Variants in PCDHB5 observed in about 807,000 individuals in gnomAD.
PCDHB5 encodes the protein protocadherin beta 5.
For missense variants in PCDHB5, 1,125 were observed against 1,029.4 expected, an observed-to-expected ratio of 1.09 and a Z score of -1.27; for synonymous variants, 569 against 462.2, an observed-to-expected ratio of 1.23 and a Z score of -2.96.
chr5:141,137,046 C>A lies in PCDHB5; in HGVS notation c.1612C>A (p.Pro538Thr). ...CGTGGGAGCCACAGACCGCGGCTCC[C>A]CGGCGCTGAGCAGCGAGGCGCTGGT... ...FRVGATDRGS[P>T]ALSSEALVRV... Residue 538 changes from proline (P) to threonine (T), a missense_variant, in exon 1 of 1, where the codon CCG becomes ACG. Coordinates refer to ENST00000231134, the MANE Select transcript of PCDHB5 (RefSeq NM_015669.5). 1 of 1,611,876 alleles carries A rather than the reference C, an allele frequency of 6.2e-7. No homozygotes were observed. The highest frequency in any genetic ancestry group is 8.5e-7 in the Non-Finnish European group (1 of 1,179,742).
chr5:141,136,741 T>C lies in PCDHB5; in HGVS notation c.1307T>C (p.Ile436Thr), dbSNP rs1752587798. 1 of 1,613,972 alleles carries C rather than the reference T, an allele frequency of 6.2e-7. No homozygotes were observed. Among genetic ancestry groups the C allele is most frequent in the South Asian group, 1.1e-5 (1 of 91,056 alleles). Residue 436 changes from isoleucine (I) to threonine (T), a missense_variant, in exon 1 of 1, where the codon ATA becomes ACA. Transcript: ENST00000231134. Reference sequence around the variant, plus strand: ...CCCAGGCTGAAAACCGAGCACAACATAACGGTCCTGGTCTCCGACGTCAAT... The same window carrying C: ...CCCAGGCTGAAAACCGAGCACAACACAACGGTCCTGGTCTCCGACGTCAAT... ...GTPRLKTEHN[I>T]TVLVSDVNDN...
Position 141,137,480 on chromosome 5 carries a change from C to T in PCDHB5, c.2046C>T (p.Ala682=). 6.2e-7 allele frequency: 1 copy of T among 1,612,724 alleles called. No homozygotes were observed. The highest frequency in any genetic ancestry group is 8.5e-7 in the Non-Finnish European group (1 of 1,179,726). ...AGGCGGCCCCGGCCCAGGCCCAGGCCGACTCGCTCACTGTCTACCTGGTGG... is the reference window on the plus strand; with the variant it reads ...AGGCGGCCCCGGCCCAGGCCCAGGCTGACTCGCTCACTGTCTACCTGGTGG... ...LPEAAPAQAQ[A]DSLTVYLVVA... is the part of the protein sequence containing the mutation. Residue 682 remains alanine, a synonymous_variant, in exon 1 of 1, where the codon GCC becomes GCT. Transcript: ENST00000231134.
chr5:141,136,778 C>G lies in PCDHB5; in HGVS notation c.1344C>G (p.Pro448=). The G allele has an allele frequency of 6.2e-7, 1 of 1,614,032 alleles. No homozygotes were observed. Among genetic ancestry groups the G allele is most frequent in the Non-Finnish European group, 8.5e-7 (1 of 1,180,030 alleles). Residue 448 remains proline, a synonymous_variant, in exon 1 of 1, where the codon CCC becomes CCG. Coordinates refer to ENST00000231134, the MANE Select transcript of PCDHB5 (RefSeq NM_015669.5). The part of the protein sequence containing the change: ...VLVSDVNDNA[P]AFTQTSYTLF... ...TCTCCGACGTCAATGACAACGCCCC[C>G]GCCTTCACCCAAACCTCCTACACCC...
chr5:141,138,113 A>G lies in PCDHB5; in HGVS notation c.*291A>G, dbSNP rs1385825323. ...ATAAACCACCTTAATAAAATCAAGT[A>G]TTAATTTTATTTTCTATATATTCTG... On this transcript the variant is annotated 3_prime_UTR_variant, in exon 1 of 1. Transcript: ENST00000231134. 2 of 313,018 alleles carry G rather than the reference A, an allele frequency of 6.4e-6. No individual in the cohort carries two copies. Among genetic ancestry groups the G allele is most frequent in the Non-Finnish European group, 1.2e-5 (2 of 163,626 alleles). The allele number at this position is 313,018 out of a possible 1,614,324, so 19.4% of individuals were successfully genotyped here.
At position 141,136,914 on chromosome 5, in the gene PCDHB5, A is replaced by G. The variant is rs370535401; in HGVS notation, c.1480A>G (p.Asn494Asp). 225 of 1,612,480 alleles carry G rather than the reference A, an allele frequency of 1.4e-4. 1 individual carries two copies. In the African/African-American group the frequency reaches 2.5e-3, roughly 18 times the overall value. ...QVTYSLLPPQ[N>D]PHLRLASLVS... Reference sequence around the variant, plus strand: ...CACCTACTCGCTGCTGCCGCCCCAGAACCCACACCTGCGCCTCGCCTCCCT... The same window carrying G: ...CACCTACTCGCTGCTGCCGCCCCAGGACCCACACCTGCGCCTCGCCTCCCT... The change falls in exon 1 of 1, where the codon AAC (asparagine) becomes GAC (aspartate). Residue 494 changes from asparagine (N) to aspartate (D), a missense_variant. Coordinates refer to ENST00000231134, the MANE Select transcript of PCDHB5 (RefSeq NM_015669.5).
At position 141,135,917 on chromosome 5, in the gene PCDHB5, C is replaced by T. The variant is rs369038302; in HGVS notation, c.483C>T (p.Asp161=). Reference sequence around the variant, plus strand: ...CCTTAAAAATAGCCCAGGACTTTGACATAGGTAGCAACACTGTTCAGAACT... The same window carrying T: ...CCTTAAAAATAGCCCAGGACTTTGATATAGGTAGCAACACTGTTCAGAACT... ...VFPLKIAQDF[D]IGSNTVQNYT... The change falls in exon 1 of 1, where the codon GAC becomes GAT. Residue 161 remains aspartate (D), a synonymous_variant. Coordinates refer to ENST00000231134, the MANE Select transcript of PCDHB5 (RefSeq NM_015669.5). The T allele has an allele frequency of 6.2e-7, 1 of 1,614,102 alleles. No individual in the cohort carries two copies. Among genetic ancestry groups the T allele is most frequent in the Non-Finnish European group, 8.5e-7 (1 of 1,179,948 alleles).
rs1752625550 is a variant in PCDHB5, at chr5:141,137,588, G to T, written c.2154G>T (p.Ala718=). 3 of 1,612,830 alleles carry T rather than the reference G, an allele frequency of 1.9e-6. No homozygotes were observed. The highest frequency in any genetic ancestry group is 1.7e-6 in the Non-Finnish European group (2 of 1,179,960). Reference sequence around the variant, plus strand: ...TGCGGCTGTGCAGGAGGAGCAGGGCGGCCCCGGTCGGTCGCTGCTCGGTGC... The same window carrying T: ...TGCGGCTGTGCAGGAGGAGCAGGGCTGCCCCGGTCGGTCGCTGCTCGGTGC... ...VAVRLCRRSR[A]APVGRCSVPE... is the part of the protein sequence containing the mutation. Residue 718 remains alanine, a synonymous_variant, in exon 1 of 1, where the codon GCG becomes GCT. Transcript: ENST00000231134.
Position 141,137,366 on chromosome 5 carries a change from G to A in PCDHB5, c.1932G>A (p.Lys644=), listed in dbSNP as rs782741769. The A allele has an allele frequency of 1.1e-5, 18 of 1,609,302 alleles. No homozygotes were observed. The East Asian group carries it at 1.3e-4, about 12-fold the overall frequency. Reference sequence around the variant, plus strand: ...AGCACAGGCTGGTGGTGCTGGTCAAGGACAATGGCGAGCCTCCGCGCTCGG... The same window carrying A: ...AGCACAGGCTGGTGGTGCTGGTCAAAGACAATGGCGAGCCTCCGCGCTCGG... ...AAKHRLVVLV[K]DNGEPPRSAT... The change falls in exon 1 of 1, where the codon AAG becomes AAA. Residue 644 remains lysine, a synonymous_variant. Coordinates refer to ENST00000231134, the MANE Select transcript of PCDHB5 (RefSeq NM_015669.5).
Position 141,135,235 on chromosome 5 carries a change from ACT to A in PCDHB5, c.-198_-197del, listed in dbSNP as rs1261901450. On this transcript the variant is annotated 5_prime_UTR_variant, in exon 1 of 1. Transcript: ENST00000231134. ...GTGTGGATAGTGGGCTCTGCGGATA[ACT>A]CAGACGCCATTAAGCTGGGGAATCC... 9 of 548,018 alleles carry A rather than the reference ACT, an allele frequency of 1.6e-5. No individual in the cohort carries two copies. Among genetic ancestry groups the A allele is most frequent in the Non-Finnish European group, 2.6e-5 (8 of 312,692 alleles). The allele number at this position is 548,018 out of a possible 1,614,324, so 33.9% of individuals were successfully genotyped here. A position where few individuals can be genotyped will look rare whatever the true frequency, so the allele number is the denominator to read the frequency against.
Position 141,137,216 on chromosome 5 carries a change from C to T in PCDHB5, c.1782C>T (p.Asp594=). The stretch of plus-strand genomic sequence containing the variant: ...CCAAGGTGGTGGCGGTGGACGGTGA[C>T]TCGGGCCAGAACGCCTGGCTGTCGT... The part of the protein sequence containing the change: ...LVTKVVAVDG[D]SGQNAWLSYQ... Residue 594 remains aspartate, a synonymous_variant, in exon 1 of 1, where the codon GAC becomes GAT. Transcript: ENST00000231134. 1 of 1,610,956 alleles carries T rather than the reference C, an allele frequency of 6.2e-7. No individual in the cohort carries two copies. The highest frequency in any genetic ancestry group is 8.5e-7 in the Non-Finnish European group (1 of 1,179,612).
rs1262263608 is a variant in PCDHB5, at chr5:141,136,800, A to T, written c.1366A>T (p.Thr456Ser). 5 of 1,613,290 alleles carry T rather than the reference A, an allele frequency of 3.1e-6. No homozygotes were observed. In the South Asian group the frequency reaches 5.5e-5, roughly 18 times the overall value. ...NAPAFTQTSYTLFVRENNSPA... is the reference protein window; with the variant it reads ...NAPAFTQTSYSLFVRENNSPA... ...CCCCGCCTTCACCCAAACCTCCTAC[A>T]CCCTGTTCGTCCGAGAGAACAACAG... is the stretch of plus-strand genomic sequence containing the variant. The change falls in exon 1 of 1, where the codon ACC becomes TCC. Residue 456 changes from threonine to serine, a missense_variant. Coordinates refer to ENST00000231134, the MANE Select transcript of PCDHB5 (RefSeq NM_015669.5).
rs782008476 is a variant in PCDHB5 at position 141,136,048 on chromosome 5, G to T, written c.614G>T (p.Arg205Leu). Reference protein sequence around the residue: ...VLDKALDREERPELSLTLTAL... With the variant: ...VLDKALDREELPELSLTLTAL... ...GACAAAGCGCTGGACCGGGAGGAGCGGCCTGAGCTCAGCTTAACACTCACT... is the reference window on the plus strand; with the variant it reads ...GACAAAGCGCTGGACCGGGAGGAGCTGCCTGAGCTCAGCTTAACACTCACT... The change falls in exon 1 of 1, where the codon CGG becomes CTG. Residue 205 changes from arginine (R) to leucine (L), a missense_variant. Arg to Leu is a moderately radical substitution (Grantham distance 102). Transcript: ENST00000231134. 3 of 1,614,178 alleles carry T rather than the reference G, an allele frequency of 1.9e-6. No individual in the cohort carries two copies. Among genetic ancestry groups the T allele is most frequent in the African/African-American group, 1.3e-5 (1 of 75,050 alleles).
rs782031816 is a variant in PCDHB5 at position 141,136,226 on chromosome 5, C to T, written c.792C>T (p.Val264=). 3 of 1,614,092 alleles carry T rather than the reference C, an allele frequency of 1.9e-6. No homozygotes were observed. Among genetic ancestry groups the T allele is most frequent in the Non-Finnish European group, 2.5e-6 (3 of 1,179,982 alleles). ...NSPLNSLVVV[V]SARDLDAGAY... Reference sequence around the variant, plus strand: ...CCCTTAACTCCTTAGTTGTCGTTGTCTCCGCTCGAGATTTAGATGCAGGAG... The same window carrying T: ...CCCTTAACTCCTTAGTTGTCGTTGTTTCCGCTCGAGATTTAGATGCAGGAG... The change falls in exon 1 of 1, where the codon GTC becomes GTT. Residue 264 remains valine (V), a synonymous_variant. Transcript: ENST00000231134.
At position 141,137,474 on chromosome 5, in the gene PCDHB5, C is replaced by G. The variant is rs782493751; in HGVS notation, c.2040C>G (p.Ala680=). The G allele has an allele frequency of 8.1e-6, 13 of 1,612,712 alleles. No individual in the cohort carries two copies. In the South Asian group the frequency reaches 1.4e-4, roughly 18 times the overall value. Residue 680 remains alanine (A), a synonymous_variant, in exon 1 of 1, where the codon GCC becomes GCG. Transcript: ENST00000231134. ...LPLPEAAPAQ[A]QADSLTVYLV... ...TGCCGGAGGCGGCCCCGGCCCAGGC[C>G]CAGGCCGACTCGCTCACTGTCTACC...
chr5:141,136,261 G>C lies in PCDHB5; in HGVS notation c.827G>C (p.Ser276Thr). The C allele has an allele frequency of 5.6e-6, 9 of 1,613,996 alleles. No individual in the cohort carries two copies. The highest frequency in any genetic ancestry group is 7.6e-6 in the Non-Finnish European group (9 of 1,179,838). The change falls in exon 1 of 1, where the codon AGT becomes ACT. Residue 276 changes from serine to threonine, a missense_variant. Physicochemically the swap from Ser to Thr is moderately conservative, Grantham distance 58. Transcript: ENST00000231134. ...ARDLDAGAYG[S>T]VAYALFQGDE... ...GATTTAGATGCAGGAGCATATGGGA[G>C]TGTAGCCTATGCTCTATTCCAAGGC...
Position 141,137,203 on chromosome 5 carries a change from C to G in PCDHB5, c.1769C>G (p.Ala590Gly). 8 of 1,610,960 alleles carry G rather than the reference C, an allele frequency of 5.0e-6. No individual in the cohort carries two copies. Among genetic ancestry groups the G allele is most frequent in the Non-Finnish European group, 6.8e-6 (8 of 1,179,604 alleles). Reference sequence around the variant, plus strand: ...GGCTACCTGGTGACCAAGGTGGTGGCGGTGGACGGTGACTCGGGCCAGAAC... The same window carrying G: ...GGCTACCTGGTGACCAAGGTGGTGGGGGTGGACGGTGACTCGGGCCAGAAC... ...EPGYLVTKVV[A>G]VDGDSGQNAW... Residue 590 changes from alanine to glycine, a missense_variant, in exon 1 of 1, where the codon GCG (alanine) becomes GGG (glycine). Transcript: ENST00000231134.
chr5:141,135,217 T>C lies in PCDHB5; in HGVS notation c.-218T>C. ...TGGCGCTGCAGGCTAAGAGTGTGGA[T>C]AGTGGGCTCTGCGGATAACTCAGAC... is the stretch of plus-strand genomic sequence containing the variant. On this transcript the variant is annotated 5_prime_UTR_variant, in exon 1 of 1. Coordinates refer to ENST00000231134, the MANE Select transcript of PCDHB5 (RefSeq NM_015669.5). 1 of 519,752 alleles carries C rather than the reference T, an allele frequency of 1.9e-6. No individual in the cohort carries two copies. The highest frequency in any genetic ancestry group is 3.0e-5 in the South Asian group (1 of 33,384). The allele number at this position is 519,752 out of a possible 1,614,324, so 32.2% of individuals were successfully genotyped here. A position where few individuals can be genotyped will look rare whatever the true frequency, so the allele number is the denominator to read the frequency against.
rs782204748 is a variant in PCDHB5 at position 141,135,957 on chromosome 5, A to T, written c.523A>T (p.Asn175Tyr). The T allele has an allele frequency of 6.2e-7, 1 of 1,614,222 alleles. No individual in the cohort carries two copies. Among genetic ancestry groups the T allele is most frequent in the East Asian group, 2.2e-5 (1 of 44,880 alleles). Reference protein sequence around the residue: ...NTVQNYTISPNSHFHVATHNR... With the variant: ...NTVQNYTISPYSHFHVATHNR... ...TGTTCAGAACTACACAATCAGCCCA[A>T]ATTCACACTTTCATGTTGCTACGCA... The change falls in exon 1 of 1, where the codon AAT (asparagine) becomes TAT (tyrosine). Residue 175 changes from asparagine (N) to tyrosine (Y), a missense_variant. Asn to Tyr is a moderately radical substitution (Grantham distance 143). Transcript: ENST00000231134.
rs782242118 is a variant in PCDHB5, at chr5:141,137,492, T to A, written c.2058T>A (p.Thr686=). 12 of 1,612,358 alleles carry A rather than the reference T, an allele frequency of 7.4e-6. No individual in the cohort carries two copies. The highest frequency in any genetic ancestry group is 1.7e-5 in the Admixed American group (1 of 59,996). Residue 686 remains threonine (T), a synonymous_variant, in exon 1 of 1, where the codon ACT becomes ACA. Coordinates refer to ENST00000231134, the MANE Select transcript of PCDHB5 (RefSeq NM_015669.5). ...APAQAQADSL[T]VYLVVALASV... ...CCCAGGCCCAGGCCGACTCGCTCAC[T>A]GTCTACCTGGTGGTGGCATTGGCCT...
Sources: gnomAD v4.1 joint callset for allele counts on GRCh38, gnomAD v4.1.1 for gene constraint, MANE v1.5 for transcripts, NCBI Gene and HGNC (gene_info 2026-07-23, HGNC 2026-07-21) for gene names.